RIT2: variants seen among roughly 807,000 people sequenced by gnomAD.
RIT2 encodes the protein Ras like without CAAX 2, also known as GTP-binding protein Rit2.
In RIT2, 24 loss-of-function variants were observed where a neutral mutation model predicts 23.7. The ratio of observed to expected loss-of-function variants is 1.01; its 90% CI spans 0.73 to 1.43. The LOEUF (loss-of-function observed/expected upper bound fraction) is 1.43, where lower values mean the gene tolerates loss of function less well. Ranked by LOEUF, RIT2 falls within the 40% of genes most tolerant of loss-of-function variation. The probability of loss-of-function intolerance (pLI) is 0.00; values close to 1 mark genes in which losing one functional copy is unlikely to be tolerated. For missense variants in RIT2, 236 were observed against 266.9 expected (o/e 0.88, Z 0.81); for synonymous variants, 107 against 91.1 (o/e 1.17, Z -0.99).
At chr18:42,746,311 A>T (rs1254411069) in intron 4 of RIT2, among the ~76,000 whole-genome samples, 2 of 152,156 alleles carry the variant, frequency 1.3e-5, no homozygotes, top group Non-Finnish European at 2.9e-5. Context: ...ACCACAGTCA[A>T]TATAAATGCA....
chr18:42,876,628 G>T (rs75515525), intron 4 of RIT2, among the ~76,000 whole-genome samples: 15,763 of 151,412 alleles, frequency 0.1, 933 homozygotes, highest in Middle Eastern at 0.24. Context: ...CAGAAAACAC[G>T]TTCCCTGGCA....
At chr18:42,853,379 T>C (rs1907106438) in intron 4 of RIT2, among the ~76,000 whole-genome samples, 1 of 152,230 alleles carries the variant, frequency 6.6e-6, no homozygotes, top group Non-Finnish European at 1.5e-5. Flanking sequence ...ATCCAGGTCA[T>C]TGGCATAAAC....
chr18:42,982,103 C>T (rs1307518504), intron 2 of RIT2, among the ~76,000 whole-genome samples: 1 of 152,164 alleles, frequency 6.6e-6, no homozygotes, highest in African/African-American at 2.4e-5. Flanking sequence ...GACTTCTCTT[C>T]ATTGATGGTG....
At chr18:43,031,648 C>T (rs567474437) in intron 2 of RIT2, among the ~76,000 whole-genome samples, 6 of 151,964 alleles carry the variant, frequency 3.9e-5, no homozygotes, top group East Asian at 1.9e-4. Flanking sequence ...AGGGATCTTA[C>T]GTTTTCAGAA....
At chr18:43,086,252 T>A (rs1913280278) in intron 1 of RIT2, among the ~76,000 whole-genome samples, 1 of 152,136 alleles carries the variant, frequency 6.6e-6, no homozygotes. Context: ...CATTTTAGAT[T>A]TTTGGATTAG....
At chr18:42,832,934 A>G (rs935120271) in intron 4 of RIT2, among the ~76,000 whole-genome samples, 1 of 151,692 alleles carries the variant, frequency 6.6e-6, no homozygotes, top group Admixed American at 6.6e-5. Context: ...CATGCCTGTA[A>G]TCCCAGCTAG....
At chr18:43,020,329 A>G (rs1911567469) in intron 2 of RIT2, among the ~76,000 whole-genome samples, 2 of 152,018 alleles carry the variant, frequency 1.3e-5, no homozygotes, top group African/African-American at 4.8e-5. Context: ...AACTAAAAAT[A>G]CAAAAATTAG....
intron 3 of RIT2, among the ~76,000 whole-genome samples, chr18:42,944,511 G>A (rs1909681366): frequency 6.6e-6 from 1 of 152,044 alleles, no homozygotes; most frequent in Non-Finnish European, 1.5e-5. Context: ...AGATGGGTGG[G>A]CCCCTGTGAT....
At chr18:43,000,565 G>A (rs149339877) in intron 2 of RIT2, among the ~76,000 whole-genome samples, 14 of 152,016 alleles carry the variant, frequency 9.2e-5, no homozygotes, top group African/African-American at 1.2e-4. Context: ...CTGTGTCCTC[G>A]CCCAAATCTC....
intron 4 of RIT2, among the ~76,000 whole-genome samples, chr18:42,819,880 C>T (rs189805790): frequency 1.9e-4 from 29 of 152,220 alleles, no homozygotes; most frequent in African/African-American, 5.5e-4. Flanking sequence ...ACAAAGGATT[C>T]GTTTCAGGAT....
intron 4 of RIT2, among the ~76,000 whole-genome samples, chr18:42,825,317 GC>G (rs2143998998): frequency 1.3e-5 from 2 of 151,784 alleles, no homozygotes; most frequent in African/African-American, 4.8e-5. Context: ...TTAGTTCTAA[GC>G]TTTTAACAGA....
intron 4 of RIT2, among the ~76,000 whole-genome samples, chr18:42,777,062 T>C (rs1913688729): frequency 6.6e-6 from 1 of 152,054 alleles, no homozygotes; most frequent in Non-Finnish European, 1.5e-5. Context: ...CCAGATTGCA[T>C]GTGGGTTTAA....
chr18:43,099,466 A>T (rs1913631974), intron 1 of RIT2, among the ~76,000 whole-genome samples: 1 of 152,088 alleles, frequency 6.6e-6, no homozygotes, highest in South Asian at 2.1e-4. Flanking sequence ...ATTAATATAA[A>T]CTATCAGTCT....
chr18:43,096,497 G>GT (rs1268861307), intron 1 of RIT2, among the ~76,000 whole-genome samples: 2 of 151,802 alleles, frequency 1.3e-5, no homozygotes, highest in Non-Finnish European at 2.9e-5. Context: ...TATATTGCCT[G>GT]TAACATTCAA....
intron 2 of RIT2, among the ~76,000 whole-genome samples, chr18:42,983,057 T>C (rs1910631979): frequency 6.6e-6 from 1 of 151,998 alleles, no homozygotes; most frequent in Non-Finnish European, 1.5e-5. Flanking sequence ...AATAGGAATT[T>C]TGAAAAGGAA....
At chr18:42,786,119 A>C (rs1913916755) in intron 4 of RIT2, among the ~76,000 whole-genome samples, 1 of 152,196 alleles carries the variant, frequency 6.6e-6, no homozygotes, top group African/African-American at 2.4e-5. Flanking sequence ...CAGCAAAAAG[A>C]AAACAAAAAC....
At chr18:43,084,401 T>C (rs1054070856) in intron 1 of RIT2, among the ~76,000 whole-genome samples, 5 of 152,300 alleles carry the variant, frequency 3.3e-5, no homozygotes, top group Middle Eastern at 3.4e-3. Flanking sequence ...ATCCAAAGGA[T>C]TGTAAATCAT....
rs182321108 is a variant in RIT2, at chr18:43,040,971, A to G, written c.104-7104T>C. Among the ~76,000 whole-genome samples, 6 of 152,274 alleles carry G rather than the reference A, an allele frequency of 3.9e-5. No homozygotes were observed. In the East Asian group the frequency reaches 9.7e-4, roughly 25 times the overall value. Reference sequence around the variant, plus strand: ...AACAGAAATTATTATTAAAAACCATACTTTTAAAAATTTTTGTAGGGTGTA... The same window carrying G: ...AACAGAAATTATTATTAAAAACCATGCTTTTAAAAATTTTTGTAGGGTGTA... On this transcript the variant is annotated intron_variant, in intron 1 of 4. Coordinates refer to ENST00000326695, the MANE Select transcript of RIT2 (RefSeq NM_002930.4).
chr18:42,992,968 C>T (rs1420745233), intron 2 of RIT2, among the ~76,000 whole-genome samples: 4 of 152,184 alleles, frequency 2.6e-5, no homozygotes, highest in Non-Finnish European at 5.9e-5. Context: ...GGTCCTCAAA[C>T]CCCACAACAG....
Sources: allele counts gnomAD v4.1 joint callset (sites outside exome capture counted in the v4.1 genomes callset), GRCh38; gene constraint gnomAD v4.1.1; transcripts MANE v1.5; gene names NCBI Gene and HGNC (gene_info 2026-07-23, HGNC 2026-07-21).